ZNF570: variants seen among roughly 807,000 people sequenced by gnomAD.
The protein encoded by ZNF570 is zinc finger protein 570.
Under a neutral mutation model 14.2 loss-of-function variants are expected in ZNF570, and 8 were observed. The ratio of observed to expected loss-of-function variants is 0.56; its 90% CI spans 0.33 to 1.02. The LOEUF is 1.02. Ranked by LOEUF, ZNF570 falls within the 50% of genes least tolerant of loss-of-function variation. The pLI, the probability that ZNF570 is intolerant of heterozygous loss-of-function variation, is 0.03. For missense variants in ZNF570, 559 were observed against 624.9 expected (o/e 0.89, Z 1.12); for synonymous variants, 202 against 207.6 (o/e 0.97, Z 0.23).
chr19:37,476,766 G>A (rs1242472364), intron 4 of ZNF570, among the ~76,000 whole-genome samples: 2 of 140,080 alleles, frequency 1.4e-5, no homozygotes, highest in Admixed American at 7.6e-5. Flanking sequence ...CTGGAGTGCA[G>A]TGGTGCAGTC....
chr19:37,484,589 G>A lies in ZNF570; in HGVS notation c.967G>A (p.Val323Ile), dbSNP rs746918405. 2.7e-5 allele frequency: 44 copies of A among 1,613,758 alleles called. No homozygotes were observed. Among genetic ancestry groups the A allele is most frequent in the Non-Finnish European group, 3.6e-5 (43 of 1,179,962 alleles). The change falls in exon 5 of 5, where the codon GTT becomes ATT. Residue 323 changes from valine (V) to isoleucine (I), a missense_variant. Val to Ile is a conservative substitution (Grantham distance 29, BLOSUM62 3). Transcript: ENST00000330173. Reference sequence around the variant, plus strand: ...TGCCTACCTTGCTCAACATCAGAGAGTTCACACGGGAGAGAAACCCTATGA... The same window carrying A: ...TGCCTACCTTGCTCAACATCAGAGAATTCACACGGGAGAGAAACCCTATGA... ...QFAYLAQHQRVHTGEKPYECI... is the reference protein window; with the variant it reads ...QFAYLAQHQRIHTGEKPYECI...
At chr19:37,476,259 C>A in intron 3 of ZNF570, 80 bp from the exon 4 acceptor site, 1 of 1,518,922 alleles carries the variant, frequency 6.6e-7, no homozygotes, top group East Asian at 2.3e-5. Flanking sequence ...TCCCTTTTCC[C>A]TGATGAGCTA....
Position 37,488,144 on chromosome 19 carries a change from C to T in ZNF570, c.*2911C>T, listed in dbSNP as rs564973276. The stretch of plus-strand genomic sequence containing the variant: ...TCTCTCCTCGTGTTTCAAGGAGATA[C>T]ATATGATGGTCCATTGCAGAACTGT... On this transcript the variant is annotated 3_prime_UTR_variant, in exon 5 of 5. Coordinates refer to ENST00000330173, the MANE Select transcript of ZNF570 (RefSeq NM_144694.5). 2.6e-5 allele frequency: 4 copies of T among 152,264 alleles called. No individual in the cohort carries two copies. The highest frequency in any genetic ancestry group is 7.2e-5 in the African/African-American group (3 of 41,542). The allele number at this position is 152,264 out of a possible 1,614,324, so 9.4% of individuals were successfully genotyped here. A position where few individuals can be genotyped will look rare whatever the true frequency, so the allele number is the denominator to read the frequency against.
chr19:37,468,542 C>T (rs901381199), upstream of ZNF570, among the ~76,000 whole-genome samples: 4 of 152,008 alleles, frequency 2.6e-5, no homozygotes, highest in African/African-American at 9.7e-5. Flanking sequence ...GTCGCTCAGG[C>T]TGGAGTGCAG....
Position 37,484,002 on chromosome 19 carries a change from A to C in ZNF570, c.380A>C (p.Glu127Ala), listed in dbSNP as rs143123723. The C allele has an allele frequency of 1.5e-4, 244 of 1,613,952 alleles. 1 individual carries two copies. The highest frequency in any genetic ancestry group is 1.9e-4 in the Non-Finnish European group (230 of 1,180,020). The change falls in exon 5 of 5, where the codon GAA (glutamate) becomes GCA (alanine). Residue 127 changes from glutamate to alanine, a missense_variant. By Grantham distance (107) the Glu-to-Ala change is moderately radical. Coordinates refer to ENST00000330173, the MANE Select transcript of ZNF570 (RefSeq NM_144694.5). ...SYNLEYSSLR[E>A]EWKCEGYFER... Reference sequence around the variant, plus strand: ...AACCTTGAATACTCCAGTTTGAGAGAAGAGTGGAAATGTGAGGGCTATTTT... The same window carrying C: ...AACCTTGAATACTCCAGTTTGAGAGCAGAGTGGAAATGTGAGGGCTATTTT...
Position 37,484,920 on chromosome 19 carries a change from A to G in ZNF570, c.1298A>G (p.Gln433Arg), listed in dbSNP as rs755702229. The G allele has an allele frequency of 6.2e-7, 1 of 1,614,168 alleles. No individual in the cohort carries two copies. Among genetic ancestry groups the G allele is most frequent in the Admixed American group, 1.7e-5 (1 of 60,028 alleles). The change falls in exon 5 of 5, where the codon CAA (glutamine) becomes CGA (arginine). Residue 433 changes from glutamine (Q) to arginine (R), a missense_variant. By Grantham distance (43) the Gln-to-Arg change is conservative. Coordinates refer to ENST00000330173, the MANE Select transcript of ZNF570 (RefSeq NM_144694.5). ...CAGATTGCCTACCTTGCTCAGCATC[A>G]AAGAGTTCATACTGGAGAGAAACCC... ...FSQIAYLAQH[Q>R]RVHTGEKPYE...
chr19:37,486,366 T>G lies in ZNF570; in HGVS notation c.*1133T>G, dbSNP rs374951287. 6.6e-6 allele frequency: 1 copy of G among 152,200 alleles called. No individual in the cohort carries two copies. Among genetic ancestry groups the G allele is most frequent in the East Asian group, 1.9e-4 (1 of 5,198 alleles). 9.4% of individuals were successfully genotyped at this position (152,200 alleles called of 1,614,324 possible). A position where few individuals can be genotyped will look rare whatever the true frequency, so the allele number is the denominator to read the frequency against. ...TTTAAATCTTAAAATAGGAATAATATAGGATACTGTACTGTAGAAATGTAA... is the reference window on the plus strand; with the variant it reads ...TTTAAATCTTAAAATAGGAATAATAGAGGATACTGTACTGTAGAAATGTAA... On this transcript the variant is annotated 3_prime_UTR_variant, in exon 5 of 5. Transcript: ENST00000330173.
chr19:37,470,289 T>C lies in ZNF570; in HGVS notation c.-51-15T>C. ...AAGAAAAGTCTAGTTTCTCATGTTCTTTTCCCCATCTCAGTCATCTGAGGC... is the reference window on the plus strand; with the variant it reads ...AAGAAAAGTCTAGTTTCTCATGTTCCTTTCCCCATCTCAGTCATCTGAGGC... On this transcript the variant is annotated splice_polypyrimidine_tract_variant and intron_variant, in intron 1 of 4. Coordinates refer to ENST00000330173, the MANE Select transcript of ZNF570 (RefSeq NM_144694.5). The C allele has an allele frequency of 1.2e-6, 2 of 1,612,362 alleles. No homozygotes were observed. The highest frequency in any genetic ancestry group is 1.7e-6 in the Non-Finnish European group (2 of 1,178,818).
intron 2 of ZNF570, among the ~76,000 whole-genome samples, chr19:37,473,631 T>A (rs1355428986): frequency 6.6e-6 from 1 of 152,064 alleles, no homozygotes; most frequent in Non-Finnish European, 1.5e-5. Flanking sequence ...TACTGACTGG[T>A]ACTGACAAGG....
At position 37,476,403 on chromosome 19, in the gene ZNF570, G is replaced by A. The variant is rs1359876209; in HGVS notation, c.225G>A (p.Val75=). The change falls in exon 4 of 5, where the codon GTG becomes GTA. Residue 75 remains valine, a synonymous_variant. Coordinates refer to ENST00000330173, the MANE Select transcript of ZNF570 (RefSeq NM_144694.5). ...LLEQGKAPWM[V]KRELTKGLCS... ...AACAAGGAAAAGCACCCTGGATGGT[G>A]AAGAGAGAGCTGACAAAAGGCTTGT... The A allele has an allele frequency of 1.2e-6, 2 of 1,613,954 alleles. No homozygotes were observed. Among genetic ancestry groups the A allele is most frequent in the East Asian group, 4.5e-5 (2 of 44,872 alleles).
At chr19:37,479,606 C>T (rs1026852744) in intron 4 of ZNF570, among the ~76,000 whole-genome samples, 3 of 152,068 alleles carry the variant, frequency 2.0e-5, no homozygotes, top group African/African-American at 7.2e-5. Flanking sequence ...GAAACTTCTA[C>T]TCTGGTGGTA....
rs2042125683 is a variant in ZNF570, at chr19:37,484,480, T to G, written c.858T>G (p.Asn286Lys). 1.9e-6 allele frequency: 3 copies of G among 1,613,802 alleles called. No homozygotes were observed. Among genetic ancestry groups the G allele is most frequent in the Non-Finnish European group, 1.7e-6 (2 of 1,179,930 alleles). The change falls in exon 5 of 5, where the codon AAT becomes AAG. Residue 286 changes from asparagine to lysine, a missense_variant. Physicochemically the swap from Asn to Lys is moderately conservative, Grantham distance 94. Transcript: ENST00000330173. ...CKECRKAFSQ[N>K]AHLVQHLRVH... ...AATGTAGGAAAGCCTTCAGTCAGAA[T>G]GCACACCTAGTTCAACATCTGCGAG... is the stretch of plus-strand genomic sequence containing the variant.
At chr19:37,469,637 C>A in intron 1 of ZNF570, 80 bp downstream of exon 1, 1 of 1,388,706 alleles carries the variant, frequency 7.2e-7, no homozygotes, top group South Asian at 1.3e-5. Context: ...AAGTCAATGG[C>A]ACCGTGGAAT....
At position 37,484,359 on chromosome 19, in the gene ZNF570, A is replaced by T; in HGVS notation, c.737A>T (p.Tyr246Phe). ...AGAATTCATACTGGAGAGAAACCCT[A>T]TAAATGTATAGAGTGTGGAAAAGCC... ...HQRIHTGEKP[Y>F]KCIECGKAFS... Residue 246 changes from tyrosine (Y) to phenylalanine (F), a missense_variant, in exon 5 of 5, where the codon TAT (tyrosine) becomes TTT (phenylalanine). Tyr to Phe is a conservative substitution (Grantham distance 22). Coordinates refer to ENST00000330173, the MANE Select transcript of ZNF570 (RefSeq NM_144694.5). 6.2e-7 allele frequency: 1 copy of T among 1,614,124 alleles called. No individual in the cohort carries two copies. The highest frequency in any genetic ancestry group is 8.5e-7 in the Non-Finnish European group (1 of 1,180,026).
Position 37,486,110 on chromosome 19 carries a change from T to TG in ZNF570, c.*877_*878insG, listed in dbSNP as rs1332405800. ...TCTCCAGTTAAAACTTTTTTTTTTT[T>TG]TTTGCTTGTTATTGTTCTTAGACTA... On this transcript the variant is annotated 3_prime_UTR_variant, in exon 5 of 5. Transcript: ENST00000330173. The TG allele has an allele frequency of 6.6e-6, 1 of 151,998 alleles. No individual in the cohort carries two copies. Among genetic ancestry groups the TG allele is most frequent in the African/African-American group, 2.4e-5 (1 of 41,408 alleles). 9.4% of individuals were successfully genotyped at this position (151,998 alleles called of 1,614,324 possible). A position where few individuals can be genotyped will look rare whatever the true frequency, so the allele number is the denominator to read the frequency against.
chr19:37,469,556 A>G lies in ZNF570; in HGVS notation c.-53A>G, dbSNP rs1464154223. ...ATCTGTGTGACTCCGGTGCGAGTGGAGGTTGGTACCGTTCAGTGCGAGGCT... is the reference window on the plus strand; with the variant it reads ...ATCTGTGTGACTCCGGTGCGAGTGGGGGTTGGTACCGTTCAGTGCGAGGCT... On this transcript the variant is annotated splice_region_variant and 5_prime_UTR_variant, in exon 1 of 5. Coordinates refer to ENST00000330173, the MANE Select transcript of ZNF570 (RefSeq NM_144694.5). 6 of 1,536,214 alleles carry G rather than the reference A, an allele frequency of 3.9e-6. No individual in the cohort carries two copies. The highest frequency in any genetic ancestry group is 4.4e-6 in the Non-Finnish European group (5 of 1,146,844).
At position 37,483,870 on chromosome 19, in the gene ZNF570, A is replaced by T. The variant is rs1374610502; in HGVS notation, c.257-9A>T. ...AGAGGAGACATTTTTTCTTATTATT[A>T]CTTTTCAGGCTGGGAGCCTATATGT... On this transcript the variant is annotated splice_polypyrimidine_tract_variant and intron_variant, in intron 4 of 4. Transcript: ENST00000330173. 7 of 1,572,664 alleles carry T rather than the reference A, an allele frequency of 4.5e-6. No homozygotes were observed. The Admixed American group carries it at 1.2e-4, about 27-fold the overall frequency.
intron 4 of ZNF570, among the ~76,000 whole-genome samples, chr19:37,478,311 A>G (rs1246597350): frequency 6.6e-6 from 1 of 152,064 alleles, no homozygotes; most frequent in Non-Finnish European, 1.5e-5. Context: ...TTAAATTGTA[A>G]ACATTAAACA....
At chr19:37,476,299 C>A (rs377474906) in intron 3 of ZNF570, 40 bp from the exon 4 acceptor site, 2 of 1,606,426 alleles carry the variant, frequency 1.2e-6, no homozygotes, top group African/African-American at 2.7e-5. Flanking sequence ...GGAATATCCA[C>A]AGCATGACAA....
Sources: allele counts gnomAD v4.1 joint callset (sites outside exome capture counted in the v4.1 genomes callset), GRCh38; gene constraint gnomAD v4.1.1; transcripts MANE v1.5; gene names NCBI Gene and HGNC (gene_info 2026-07-23, HGNC 2026-07-21).